The following OXA1L variants were observed in gnomAD, a reference collection of about 807,000 sequenced individuals.
OXA1L encodes the protein mitochondrial inner membrane protein OXA1L.
Under a neutral mutation model 52.2 loss-of-function variants are expected in OXA1L, and 42 were observed. That is an observed-to-expected ratio of 0.80 (90% confidence interval 0.63 to 1.04). The LOEUF (loss-of-function observed/expected upper bound fraction) is 1.04, where lower values mean the gene tolerates loss of function less well. Ranked by LOEUF, OXA1L falls within the 50% of genes least tolerant of loss-of-function variation. The pLI, the probability that OXA1L is intolerant of heterozygous loss-of-function variation, is 0.00. For synonymous variants in OXA1L, 239 were observed against 201.9 expected (o/e 1.18, Z -1.56); for missense variants, 572 against 555.0 (o/e 1.03, Z -0.31).
At chr14:22,769,130 A>G (rs1335045025) in intron 3 of OXA1L, among the ~76,000 whole-genome samples, 1 of 152,012 alleles carries the variant, frequency 6.6e-6, no homozygotes, top group African/African-American at 2.4e-5. Flanking sequence ...ATTACTGACT[A>G]TAGTCACCCT....
chr14:22,767,738 C>G, intron 2 of OXA1L: 1 of 512,888 alleles, frequency 1.9e-6, no homozygotes, highest in Non-Finnish European at 3.4e-6. Flanking sequence ...AACTTCCCAG[C>G]ATGAAGGGAA....
chr14:22,767,069 C>T (rs773025955), intron 1 of OXA1L, 179 bp from the exon 2 acceptor site: 1 of 1,536,506 alleles, frequency 6.5e-7, no homozygotes, highest in Non-Finnish European at 8.7e-7. Flanking sequence ...CTTCGCTCTG[C>T]AGGCACCACC....
chr14:22,769,929 T>G lies in OXA1L; in HGVS notation c.578T>G (p.Ile193Ser), dbSNP rs140840392. Residue 193 changes from isoleucine (I) to serine (S), a missense_variant, in exon 4 of 10, where the codon ATT becomes AGT. By Grantham distance (142) the Ile-to-Ser change is moderately radical. This residue lies in a region of OXA1L where 132 missense variants were observed against 124.0 expected (regional missense o/e 1.06). Coordinates refer to ENST00000612549, the MANE Select transcript of OXA1L (RefSeq NM_005015.5). ...IREAKLAGDH[I>S]EYYKASSEMA... ...GAGGCCAAGTTAGCAGGAGACCATA[T>G]TGAGTGTGAGTCAGTTGCAGAATGA... The G allele has an allele frequency of 1.5e-4, 243 of 1,613,974 alleles. No homozygotes were observed. Among genetic ancestry groups the G allele is most frequent in the Non-Finnish European group, 2.0e-4 (233 of 1,180,018 alleles).
chr14:22,766,756 G>A lies in OXA1L; in HGVS notation c.55G>A (p.Gly19Arg). The A allele has an allele frequency of 6.2e-7, 1 of 1,614,182 alleles. No homozygotes were observed. Among genetic ancestry groups the A allele is most frequent in the Non-Finnish European group, 8.5e-7 (1 of 1,180,036 alleles). Residue 19 changes from glycine (G) to arginine (R), a missense_variant, in exon 1 of 10, where the codon GGG becomes AGG. Transcript: ENST00000612549. ...GGAGCTTCTGCGCTTGCTACAGTCC[G>A]GGCGTCGGGTAAGGATGCCCCGGGG... ...RRELLRLLQS[G>R]RRVHSVAGPS... is the part of the protein sequence containing the mutation.
In OXA1L at chr14:22,770,185, C is replaced by A. The variant is rs372392257; in HGVS notation, c.584-8C>A. The A allele has an allele frequency of 1.1e-5, 17 of 1,591,170 alleles. No homozygotes were observed. The highest frequency in any genetic ancestry group is 1.5e-5 in the Non-Finnish European group (17 of 1,159,232). On this transcript the variant is annotated splice_region_variant and splice_polypyrimidine_tract_variant and intron_variant, in intron 4 of 9. Coordinates refer to ENST00000612549, the MANE Select transcript of OXA1L (RefSeq NM_005015.5). The stretch of plus-strand genomic sequence containing the variant: ...TACCCCAACCATTAATTTCCCCTCA[C>A]CTCACAGATTACAAGGCTTCCTCGG...
Position 22,767,307 on chromosome 14 carries a change from A to G in OXA1L, c.123A>G (p.Leu41=), listed in dbSNP as rs2038416034. ...WLGKPLTTRL[L]FPAAPCCCRP... Reference sequence around the variant, plus strand: ...GGAAACCGCTGACCACACGGCTCCTATTCCCAGCAGCCCCGTGCTGCTGTC... The same window carrying G: ...GGAAACCGCTGACCACACGGCTCCTGTTCCCAGCAGCCCCGTGCTGCTGTC... Residue 41 remains leucine, a synonymous_variant, in exon 2 of 10, where the codon CTA becomes CTG. Transcript: ENST00000612549. 1 of 1,613,516 alleles carries G rather than the reference A, an allele frequency of 6.2e-7. No individual in the cohort carries two copies. Among genetic ancestry groups the G allele is most frequent in the African/African-American group, 1.3e-5 (1 of 75,026 alleles).
Position 22,771,317 on chromosome 14 carries a change from C to CT in OXA1L, c.1152_1153insT (p.Met385TyrfsTer29). 1 of 1,614,208 alleles carries CT rather than the reference C, an allele frequency of 6.2e-7. No individual in the cohort carries two copies. On this transcript the variant is annotated frameshift_variant, in exon 9 of 10. Coordinates refer to ENST00000612549, the MANE Select transcript of OXA1L (RefSeq NM_005015.5). LOFTEE classifies it high-confidence loss of function. ...GTCAGCTGCGAGAGCGTGAACAACG[C>CT]ATGCGGAATCAGTTGGAGCTAGCAG...
Position 22,767,344 on chromosome 14 carries a change from C to G in OXA1L, c.160C>G (p.Leu54Val), listed in dbSNP as rs978294254. 1.2e-6 allele frequency: 2 copies of G among 1,613,962 alleles called. No individual in the cohort carries two copies. Among genetic ancestry groups the G allele is most frequent in the Admixed American group, 3.3e-5 (2 of 60,016 alleles). Residue 54 changes from leucine to valine, a missense_variant, in exon 2 of 10, where the codon CTC (leucine) becomes GTC (valine). Coordinates refer to ENST00000612549, the MANE Select transcript of OXA1L (RefSeq NM_005015.5). ...CCCGTGCTGCTGTCGCCCACACTAC[C>G]TCTTCCTTGCGGCTTCCGGCCCCCG... ...AAPCCCRPHY[L>V]FLAASGPRSL...
At position 22,768,066 on chromosome 14, in the gene OXA1L, G is replaced by T; in HGVS notation, c.334G>T (p.Ala112Ser). The change falls in exon 3 of 10, where the codon GCT (alanine) becomes TCT (serine). Residue 112 changes from alanine (A) to serine (S), a missense_variant. By Grantham distance (99) the Ala-to-Ser change is moderately conservative (BLOSUM62 1). This residue lies in a region of OXA1L where 186 missense variants were observed against 151.8 expected (regional missense o/e 1.23). Transcript: ENST00000612549. ...VVQTAAEQSF[A>S]ELGLGSYTPV... is the part of the protein sequence containing the mutation. ...CCAAACTGCTGCAGAGCAGAGCTTC[G>T]CTGAACTGGGGCTGGGGTCATACAC... 6.2e-7 allele frequency: 1 copy of T among 1,614,164 alleles called. No homozygotes were observed. The highest frequency in any genetic ancestry group is 8.5e-7 in the Non-Finnish European group (1 of 1,179,988).
chr14:22,768,951 C>T (rs770744339), intron 3 of OXA1L: 2 of 152,002 alleles, frequency 1.3e-5, no homozygotes, highest in Admixed American at 6.6e-5. Context: ...TAAACGGAGT[C>T]TTGCTCTGTC....
chr14:22,768,166 C>A lies in OXA1L; in HGVS notation c.434C>A (p.Ala145Asp), dbSNP rs2038426939. 6.2e-7 allele frequency: 1 copy of A among 1,612,698 alleles called. No homozygotes were observed. Among genetic ancestry groups the A allele is most frequent in the Non-Finnish European group, 8.5e-7 (1 of 1,178,692 alleles). ...DLGLPWWGAI[A>D]ACTVFARCLI... ...GGCCTACCTTGGTGGGGGGCCATTG[C>A]TGCATGTAAGGGGAATATACCCTGG... Residue 145 changes from alanine to aspartate, a missense_variant, in exon 3 of 10, where the codon GCT becomes GAT. Physicochemically the swap from Ala to Asp is moderately radical, Grantham distance 126. Coordinates refer to ENST00000612549, the MANE Select transcript of OXA1L (RefSeq NM_005015.5).
At chr14:22,770,724 G>A (rs2038451172) in intron 6 of OXA1L, 81 bp from the exon 7 acceptor site, 1 of 1,538,948 alleles carries the variant, frequency 6.5e-7, no homozygotes, top group Non-Finnish European at 9.0e-7. Flanking sequence ...GCTGGAGAAA[G>A]AGTTGATGGG....
At position 22,768,041 on chromosome 14, in the gene OXA1L, C is replaced by G. The variant is rs1484140836; in HGVS notation, c.309C>G (p.Val103=). ...EVASGETADV[V]QTAAEQSFAE... is the part of the protein sequence containing the mutation. ...CTTCTGGAGAGACTGCAGATGTAGT[C>G]CAAACTGCTGCAGAGCAGAGCTTCG... The change falls in exon 3 of 10, where the codon GTC becomes GTG. Residue 103 remains valine (V), a synonymous_variant. Coordinates refer to ENST00000612549, the MANE Select transcript of OXA1L (RefSeq NM_005015.5). 1 of 1,614,078 alleles carries G rather than the reference C, an allele frequency of 6.2e-7. No homozygotes were observed. Among genetic ancestry groups the G allele is most frequent in the East Asian group, 2.2e-5 (1 of 44,884 alleles).
intron 1 of OXA1L, 38 bp downstream of exon 1, chr14:22,766,802 C>T (rs1278719066): frequency 6.2e-7 from 1 of 1,612,206 alleles, no homozygotes; most frequent in Non-Finnish European, 8.5e-7. Flanking sequence ...GGATGCTGCC[C>T]TGACCCAGTG....
At chr14:22,769,439 T>A (rs868302749) in intron 3 of OXA1L, among the ~76,000 whole-genome samples, 3 of 152,356 alleles carry the variant, frequency 2.0e-5, no homozygotes, top group Middle Eastern at 3.4e-3. Flanking sequence ...TTAGCCTACT[T>A]CTTTCCATTT....
intron 2 of OXA1L, 98 bp from the exon 3 acceptor site, chr14:22,767,860 T>C (rs540696744): frequency 2.3e-6 from 2 of 881,064 alleles, no homozygotes; most frequent in East Asian, 5.2e-5. Context: ...GAACAAGAAG[T>C]AGAGAGAACA....
At position 22,771,183 on chromosome 14, in the gene OXA1L, A is replaced by G; in HGVS notation, c.1102+3A>G. The G allele has an allele frequency of 6.2e-7, 1 of 1,614,110 alleles. No individual in the cohort carries two copies. The highest frequency in any genetic ancestry group is 8.5e-7 in the Non-Finnish European group (1 of 1,179,972). ...CTTCCTAGAGAGCTTCAAAAAAGGT[A>G]AGGGCTCATCCTCTGTGAAAAAGGA... On this transcript the variant is annotated splice_donor_region_variant and intron_variant, in intron 8 of 9. Transcript: ENST00000612549.
intron 2 of OXA1L, chr14:22,767,756 A>G: frequency 1.9e-6 from 1 of 525,354 alleles, no homozygotes; most frequent in South Asian, 3.2e-5. Flanking sequence ...GAAGTCATGG[A>G]TTCTTACTCA....
At chr14:22,771,244 ACT>A (rs1230247390) in intron 8 of OXA1L, 22 bp from the exon 9 acceptor site, 4 of 1,612,788 alleles carry the variant, frequency 2.5e-6, no homozygotes, top group Non-Finnish European at 3.4e-6. Flanking sequence ...AATGCAACTG[ACT>A]CTCTTGCTTC....
Sources: gnomAD v4.1 joint callset for allele counts (sites outside exome capture counted in the v4.1 genomes callset) on GRCh38, gnomAD v4.1.1 for gene constraint, gnomAD v4.1.1 regional missense constraint, MANE v1.5 for transcripts, NCBI Gene and HGNC (gene_info 2026-07-23, HGNC 2026-07-21) for gene names.